KCNIP1: variants seen among roughly 807,000 people sequenced by gnomAD.
The protein encoded by KCNIP1 is potassium voltage-gated channel interacting protein 1, also known as A-type potassium channel modulatory protein KCNIP1.
KCNIP1 carries 18 observed loss-of-function variants against 33.0 expected under a neutral mutation model. The ratio of observed to expected loss-of-function variants is 0.55; its 90% confidence interval spans 0.38 to 0.81. The LOEUF (loss-of-function observed/expected upper bound fraction) is 0.81, where lower values mean the gene tolerates loss of function less well. KCNIP1 is among the 30% of genes least tolerant of loss of function. KCNIP1 has a pLI of 0.00. For missense variants in KCNIP1, 238 were observed against 271.6 expected (o/e 0.88, Z 0.87); for synonymous variants, 93 against 98.3 (o/e 0.95, Z 0.32).
At chr5:170,445,223 C>T (rs1216438380) in intron 1 of KCNIP1, among the ~76,000 whole-genome samples, 1 of 152,164 alleles carries the variant, frequency 6.6e-6, no homozygotes, top group East Asian at 1.9e-4. Context: ...GGTACAGAGC[C>T]CCGTTAAGGG....
At chr5:170,547,795 A>G (rs1756471978) in intron 1 of KCNIP1, among the ~76,000 whole-genome samples, 1 of 152,118 alleles carries the variant, frequency 6.6e-6, no homozygotes, top group Admixed American at 6.5e-5. Context: ...GGTTGATTCC[A>G]TATCTCTGCT....
At chr5:170,396,348 A>G (rs1754762915) in intron 1 of KCNIP1, among the ~76,000 whole-genome samples, 1 of 152,204 alleles carries the variant, frequency 6.6e-6, no homozygotes, top group Non-Finnish European at 1.5e-5. Context: ...CTCTCCTGGA[A>G]TGTGTTGATG....
At chr5:170,483,369 C>T (rs1175330971) in intron 1 of KCNIP1, among the ~76,000 whole-genome samples, 1 of 152,236 alleles carries the variant, frequency 6.6e-6, no homozygotes, top group African/African-American at 2.4e-5. Context: ...CAGTCACCTT[C>T]TAAATCCCCT....
chr5:170,679,122 A>G (rs1268899062), intron 1 of KCNIP1: 3 of 152,338 alleles, frequency 2.0e-5, no homozygotes, highest in African/African-American at 7.2e-5. Context: ...GGGATCTGGA[A>G]TGGTAGCGTG....
chr5:170,588,216 CTCTGT>C (rs747844025), intron 1 of KCNIP1, among the ~76,000 whole-genome samples: 1 of 152,294 alleles, frequency 6.6e-6, no homozygotes, highest in East Asian at 1.9e-4. Context: ...TGGACAATTT[CTCTGT>C]TCTGACAGTC....
intron 1 of KCNIP1, among the ~76,000 whole-genome samples, chr5:170,466,238 C>T (rs772026783): frequency 6.6e-6 from 1 of 152,088 alleles, no homozygotes; most frequent in Non-Finnish European, 1.5e-5. Context: ...ACAGAATGAA[C>T]GGTGGTGTCA....
intron 1 of KCNIP1, among the ~76,000 whole-genome samples, chr5:170,621,456 C>A (rs1165946361): frequency 2.0e-5 from 3 of 152,168 alleles, no homozygotes; most frequent in Non-Finnish European, 4.4e-5. Context: ...AGCACCCCAG[C>A]AGCCATGAGG....
intron 1 of KCNIP1, among the ~76,000 whole-genome samples, chr5:170,617,324 G>C (rs760111348): frequency 2.0e-5 from 3 of 151,904 alleles, no homozygotes; most frequent in Admixed American, 6.6e-5. Flanking sequence ...CAAAAAGGCC[G>C]GATAAGCAAG....
chr5:170,454,498 A>G (rs1389629552), intron 1 of KCNIP1, among the ~76,000 whole-genome samples: 1 of 152,210 alleles, frequency 6.6e-6, no homozygotes, highest in Non-Finnish European at 1.5e-5. Context: ...CCTTACTTAT[A>G]AGTCAGGAGA....
chr5:170,415,362 G>A (rs1458384130), intron 1 of KCNIP1, among the ~76,000 whole-genome samples: 1 of 152,102 alleles, frequency 6.6e-6, no homozygotes, highest in Non-Finnish European at 1.5e-5. Context: ...ATTTTGGATG[G>A]GATAATTCTT....
At chr5:170,570,936 T>C (rs914822712) in intron 1 of KCNIP1, among the ~76,000 whole-genome samples, 1 of 152,246 alleles carries the variant, frequency 6.6e-6, no homozygotes, top group Non-Finnish European at 1.5e-5. Context: ...GTATGTGTCA[T>C]TATCCTGATT....
intron 1 of KCNIP1, chr5:170,669,591 G>A (rs1182319319): frequency 4.1e-6 from 4 of 985,254 alleles, no homozygotes; most frequent in Admixed American, 1.2e-4. Context: ...GTGAGTGTGT[G>A]GATACCGCTG....
At chr5:170,664,025 G>A (rs992554946) in intron 1 of KCNIP1, among the ~76,000 whole-genome samples, 2 of 152,022 alleles carry the variant, frequency 1.3e-5, no homozygotes, top group Non-Finnish European at 2.9e-5. Context: ...ATTTGACCAT[G>A]CCACTTTCTC....
intron 1 of KCNIP1, among the ~76,000 whole-genome samples, chr5:170,686,805 C>T (rs1407468865): frequency 1.3e-5 from 2 of 152,214 alleles, no homozygotes; most frequent in Non-Finnish European, 2.9e-5. Flanking sequence ...TCCACTGAGC[C>T]AGTGCCCTTG....
chr5:170,585,473 C>T (rs190340172), intron 1 of KCNIP1, among the ~76,000 whole-genome samples: 1 of 152,180 alleles, frequency 6.6e-6, no homozygotes, highest in African/African-American at 2.4e-5. Flanking sequence ...CCTCTCAGCC[C>T]CACTCCTCGT....
chr5:170,502,624 C>A (rs1324522682), upstream of KCNIP1, among the ~76,000 whole-genome samples: 2 of 152,148 alleles, frequency 1.3e-5, no homozygotes, highest in South Asian at 2.1e-4. Flanking sequence ...AATGTCTGTG[C>A]GGACTTAAGG....
At chr5:170,595,567 T>C (rs1445797951) in intron 1 of KCNIP1, among the ~76,000 whole-genome samples, 3 of 152,164 alleles carry the variant, frequency 2.0e-5, no homozygotes, top group African/African-American at 4.8e-5. Flanking sequence ...CAGAATATGG[T>C]CTAGGATGGC....
chr5:170,630,797 G>A (rs1760026378), intron 1 of KCNIP1, among the ~76,000 whole-genome samples: 1 of 152,202 alleles, frequency 6.6e-6, no homozygotes, highest in Non-Finnish European at 1.5e-5. Flanking sequence ...TTGCATGACT[G>A]TGTCTTGAAG....
intron 1 of KCNIP1, among the ~76,000 whole-genome samples, chr5:170,645,898 A>T (rs1206257591): frequency 8.4e-6 from 1 of 118,930 alleles, no homozygotes; most frequent in East Asian, 2.3e-4. Flanking sequence ...TTGAGAAATT[A>T]AAAAAAAATA....
Sources: allele counts gnomAD v4.1 joint callset (sites outside exome capture counted in the v4.1 genomes callset), GRCh38; gene constraint gnomAD v4.1.1; transcripts MANE v1.5; gene names NCBI Gene and HGNC (gene_info 2026-07-23, HGNC 2026-07-21).